The following PXDNL variants were observed in gnomAD, a reference collection of about 807,000 sequenced individuals.
PXDNL encodes peroxidasin like.
A neutral mutation model predicts 150.8 loss-of-function variants in PXDNL; 145 were observed. That is an observed-to-expected ratio of 0.96 (90% CI 0.84 to 1.10). The LOEUF is 1.10. Among genes scored for constraint, PXDNL ranks in the 50% least tolerant of loss-of-function variants. The pLI is 0.00. For synonymous variants in PXDNL, 757 were observed against 725.7 expected, an observed-to-expected ratio of 1.04 and a Z score of -0.69; for missense variants, 2,087 against 1,873.9, an observed-to-expected ratio of 1.11 and a Z score of -2.10.
At chr8:51,392,358 T>C (rs1412322965) in intron 17 of PXDNL, among the ~76,000 whole-genome samples, 2 of 152,196 alleles carry the variant, frequency 1.3e-5, no homozygotes, top group Non-Finnish European at 2.9e-5. Flanking sequence ...ATATTGATTC[T>C]TCCTATCCAT....
At chr8:51,792,763 C>T (rs1017784701) in intron 1 of PXDNL, among the ~76,000 whole-genome samples, 2 of 152,200 alleles carry the variant, frequency 1.3e-5, no homozygotes, top group Admixed American at 1.3e-4. Flanking sequence ...CAGCCCTCCT[C>T]ACTGGGCGGG....
At chr8:51,668,430 C>T (rs1473277454) in intron 1 of PXDNL, among the ~76,000 whole-genome samples, 1 of 152,092 alleles carries the variant, frequency 6.6e-6, no homozygotes, top group South Asian at 2.1e-4. Context: ...CTGCCTCGGC[C>T]TCCCAAAGTC....
At chr8:51,572,110 T>C (rs1055523072) in intron 3 of PXDNL, among the ~76,000 whole-genome samples, 1 of 151,730 alleles carries the variant, frequency 6.6e-6, no homozygotes, top group African/African-American at 2.4e-5. Context: ...TTATAATGGG[T>C]TTATCAGGAC....
chr8:51,572,632 T>C (rs1380850223), intron 3 of PXDNL, among the ~76,000 whole-genome samples: 1 of 151,492 alleles, frequency 6.6e-6, no homozygotes, highest in Non-Finnish European at 1.5e-5. Flanking sequence ...ATAGTGGTGA[T>C]GGTTGCACAA....
chr8:51,746,011 A>G lies in PXDNL; in HGVS notation c.164+63170T>C, dbSNP rs145061946. On this transcript the variant is annotated intron_variant, in intron 1 of 22. Transcript: ENST00000356297. ...TGACCTCAGGTGATCCTTCTGCCTC[A>G]CCCTCCCAAAGTGCTGGGATTACAG... Among the ~76,000 whole-genome samples, 6 of 151,934 alleles carry G rather than the reference A, an allele frequency of 3.9e-5. No homozygotes were observed. The East Asian group carries it at 1.2e-3, about 29-fold the overall frequency.
intron 1 of PXDNL, among the ~76,000 whole-genome samples, chr8:51,696,037 T>C (rs1052057667): frequency 1.3e-5 from 2 of 152,204 alleles, no homozygotes; most frequent in African/African-American, 2.4e-5. Flanking sequence ...GGCCTGACAT[T>C]GTCTGAAACA....
At chr8:51,532,385 C>T (rs1403720224) in intron 4 of PXDNL, among the ~76,000 whole-genome samples, 1 of 152,234 alleles carries the variant, frequency 6.6e-6, no homozygotes, top group Non-Finnish European at 1.5e-5. Flanking sequence ...GTGAAACTCT[C>T]TGAGACTCTG....
At chr8:51,668,174 C>T (rs539717118) in intron 1 of PXDNL, among the ~76,000 whole-genome samples, 3,315 of 21,474 alleles carry the variant, frequency 0.15, 78 homozygotes, top group Middle Eastern at 0.27. Context: ...TTCTCGCTCT[C>T]TCTTTTTTTT....
At position 51,644,472 on chromosome 8, in the gene PXDNL, TG is replaced by T. The variant is rs1382782105; in HGVS notation, c.236+10216del. Among the ~76,000 whole-genome samples, 405 of 138,930 alleles carry T rather than the reference TG, an allele frequency of 2.9e-3. 17 individuals are homozygous for T. The highest frequency in any genetic ancestry group is 3.3e-3 in the Non-Finnish European group (209 of 63,522). The allele number at this position is 138,930 out of a possible 152,430, so 91.1% of individuals were successfully genotyped here. On this transcript the variant is annotated intron_variant, in intron 2 of 22. Transcript: ENST00000356297. ...TATGGGTTGTTTTTGTTTTTGTTTTTGTTTTGAGACGGAGTCTCGATCTGTC... is the reference window on the plus strand; with the variant it reads ...TATGGGTTGTTTTTGTTTTTGTTTTTTTTTGAGACGGAGTCTCGATCTGTC...
chr8:51,530,744 C>T (rs76159532), intron 4 of PXDNL, among the ~76,000 whole-genome samples: 4,642 of 152,150 alleles, frequency 0.031, 225 homozygotes, highest in African/African-American at 0.11. Context: ...AGGCCTCAGT[C>T]CTGCTGTGAG....
intron 6 of PXDNL, among the ~76,000 whole-genome samples, chr8:51,476,088 C>A (rs1383609767): frequency 6.7e-6 from 1 of 150,132 alleles, no homozygotes; most frequent in African/African-American, 2.5e-5. Flanking sequence ...CAGAGTGTGA[C>A]CCTGTCCCAA....
intron 4 of PXDNL, among the ~76,000 whole-genome samples, chr8:51,520,060 C>A (rs1811628051): frequency 6.6e-6 from 1 of 152,118 alleles, no homozygotes; most frequent in African/African-American, 2.4e-5. Context: ...TGGGTATCTG[C>A]CGGCTTTTCC....
At chr8:51,746,551 G>A (rs1563308355) in intron 1 of PXDNL, among the ~76,000 whole-genome samples, 1 of 152,206 alleles carries the variant, frequency 6.6e-6, no homozygotes, top group South Asian at 2.1e-4. Flanking sequence ...GGTGAGTCTT[G>A]ATTACCATTT....
chr8:51,660,798 C>T (rs1209962245), intron 1 of PXDNL, among the ~76,000 whole-genome samples: 1 of 152,154 alleles, frequency 6.6e-6, no homozygotes, highest in East Asian at 1.9e-4. Flanking sequence ...TATTGGGAAA[C>T]ATGCACTCCT....
rs547826976 is a variant in PXDNL, at chr8:51,740,423, G to A, written c.164+68758C>T. 6.5e-4 allele frequency among the ~76,000 whole-genome samples: 99 copies of A among 152,248 alleles called. 1 individual carries two copies. The South Asian group carries it at 0.019, about 29-fold the overall frequency. ...AAGCAGCATGCTGTCTTCCACAATG[G>A]TTGAACTAATTTACATTCCCACCAA... is the stretch of plus-strand genomic sequence containing the variant. On this transcript the variant is annotated intron_variant, in intron 1 of 22. Transcript: ENST00000356297.
At chr8:51,527,571 G>T (rs80305214) in intron 4 of PXDNL, among the ~76,000 whole-genome samples, 2,241 of 152,300 alleles carry the variant, frequency 0.015, 55 homozygotes, top group African/African-American at 0.05. Context: ...CACAGGAGAT[G>T]TTATGGCCCA....
At chr8:51,387,177 T>TCTTA (rs1807742885) in intron 17 of PXDNL, among the ~76,000 whole-genome samples, 1 of 150,872 alleles carries the variant, frequency 6.6e-6, no homozygotes, top group African/African-American at 2.5e-5. Flanking sequence ...CACCCACTCT[T>TCTTA]ACAATTCTCC....
chr8:51,776,364 TG>T (rs1391692329), intron 1 of PXDNL, among the ~76,000 whole-genome samples: 1 of 152,150 alleles, frequency 6.6e-6, no homozygotes, highest in Non-Finnish European at 1.5e-5. Flanking sequence ...TTTTGCGGGT[TG>T]GGGGGCATCA....
chr8:51,449,037 C>T lies in PXDNL; in HGVS notation c.1331G>A (p.Gly444Asp). ...CCAGACAATAACAGGAGGTGGGTTG[C>T]CGTCAGCTTCACAGAGCCACTCTAC... is the stretch of plus-strand genomic sequence containing the variant. ...HAVEWLCEAD[G>D]NPPPVIVWTK... Residue 444 changes from glycine (G) to aspartate (D), a missense_variant, in exon 11 of 23, where the codon GGC becomes GAC. Gly to Asp is a moderately conservative substitution (Grantham distance 94). Transcript: ENST00000356297. 6.4e-7 allele frequency: 1 copy of T among 1,551,542 alleles called. No homozygotes were observed.
Sources: allele counts gnomAD v4.1 joint callset (sites outside exome capture counted in the v4.1 genomes callset), GRCh38; gene constraint gnomAD v4.1.1; transcripts MANE v1.5; gene names NCBI Gene and HGNC (gene_info 2026-07-23, HGNC 2026-07-21).